Variants in RNF43 observed in about 807,000 individuals in gnomAD.
RNF43 encodes the protein E3 ubiquitin-protein ligase RNF43.
In RNF43, 37 loss-of-function variants were observed where a neutral mutation model predicts 78.4. The ratio of observed to expected loss-of-function variants is 0.47; its 90% CI spans 0.36 to 0.62. The LOEUF (loss-of-function observed/expected upper bound fraction) is 0.62. Ranked by LOEUF, RNF43 falls within the 20% of genes least tolerant of loss-of-function variation. RNF43 has a pLI of 0.00. For synonymous variants in RNF43, 347 were observed against 395.0 expected (o/e 0.88, Z 1.44); for missense variants, 774 against 1,007.9 (o/e 0.77, Z 3.14).
chr17:58,413,479 A>G (rs761892586), intron 2 of RNF43, among the ~76,000 whole-genome samples: 9 of 152,190 alleles, frequency 5.9e-5, no homozygotes, highest in Non-Finnish European at 1.3e-4. Flanking sequence ...ATTGCCAATG[A>G]CATAAAACTA....
At chr17:58,392,848 C>T (rs1290148743) in intron 2 of RNF43, among the ~76,000 whole-genome samples, 1 of 152,206 alleles carries the variant, frequency 6.6e-6, no homozygotes, top group Non-Finnish European at 1.5e-5. Flanking sequence ...TATTATGGAG[C>T]AGCTGGTGAC....
intron 2 of RNF43, among the ~76,000 whole-genome samples, chr17:58,400,866 G>T (rs1271081178): frequency 6.6e-6 from 1 of 152,072 alleles, no homozygotes; most frequent in Non-Finnish European, 1.5e-5. Flanking sequence ...AGATAATGAA[G>T]TAACTCTGCC....
intron 2 of RNF43, among the ~76,000 whole-genome samples, chr17:58,384,316 G>A (rs1973386269): frequency 6.6e-6 from 1 of 152,190 alleles, no homozygotes; most frequent in Admixed American, 6.5e-5. Flanking sequence ...AGTGGGTAAG[G>A]GAAGTACTTA....
At chr17:58,387,169 A>G (rs191621560) in intron 2 of RNF43, among the ~76,000 whole-genome samples, 32 of 152,312 alleles carry the variant, frequency 2.1e-4, no homozygotes, top group Admixed American at 1.8e-3. Flanking sequence ...CAGAATTTCA[A>G]ACAATGTTAA....
chr17:58,367,289 G>A lies in RNF43; in HGVS notation c.375+3622C>T, dbSNP rs1358766029. ...GCTGGGATTACCACACCTGGTATGA[G>A]CCACCACACCTGGTCCTTATATCAA... On this transcript the variant is annotated intron_variant, in intron 3 of 9. Coordinates refer to ENST00000407977, the MANE Select transcript of RNF43 (RefSeq NM_017763.6). 2.0e-5 allele frequency among the ~76,000 whole-genome samples: 3 copies of A among 152,164 alleles called. No individual in the cohort carries two copies. The East Asian group carries it at 5.8e-4, about 29-fold the overall frequency.
At chr17:58,368,090 A>G (rs2047232238) in intron 3 of RNF43, among the ~76,000 whole-genome samples, 1 of 152,358 alleles carries the variant, frequency 6.6e-6, no homozygotes, top group African/African-American at 2.4e-5. Flanking sequence ...GCCCAGGGCT[A>G]TCTGGCTTGA....
intron 2 of RNF43, among the ~76,000 whole-genome samples, chr17:58,392,288 T>TTAGGAACTA (rs1393682344): frequency 1.3e-5 from 2 of 152,216 alleles, no homozygotes; most frequent in Non-Finnish European, 2.9e-5. Context: ...TGGCATCTGT[T>TTAGGAACTA]TAGGAACTAT....
At chr17:58,376,210 CAT>C (rs1164930358) in intron 2 of RNF43, among the ~76,000 whole-genome samples, 1 of 152,170 alleles carries the variant, frequency 6.6e-6, no homozygotes, top group Non-Finnish European at 1.5e-5. Flanking sequence ...GGACAAGAAA[CAT>C]ATCTGTGGTG....
chr17:58,377,706 C>T (rs1973233382), intron 2 of RNF43, among the ~76,000 whole-genome samples: 2 of 149,974 alleles, frequency 1.3e-5, no homozygotes, highest in African/African-American at 4.9e-5. Context: ...CCACCACCGA[C>T]CTCTGCTGCA....
At chr17:58,388,398 C>T (rs1973480330) in intron 2 of RNF43, among the ~76,000 whole-genome samples, 1 of 152,182 alleles carries the variant, frequency 6.6e-6, no homozygotes, top group Admixed American at 6.5e-5. Flanking sequence ...CACGGCATAT[C>T]AATGGCTCCC....
At chr17:58,385,987 G>A (rs915406473) in intron 2 of RNF43, among the ~76,000 whole-genome samples, 9 of 152,158 alleles carry the variant, frequency 5.9e-5, no homozygotes, top group African/African-American at 2.2e-4. Context: ...GCACATGTCT[G>A]TAATCCCAGC....
chr17:58,413,108 G>A (rs1443249880), intron 2 of RNF43, among the ~76,000 whole-genome samples: 1 of 152,144 alleles, frequency 6.6e-6, no homozygotes, highest in East Asian at 1.9e-4. Flanking sequence ...TCAGTTAAAT[G>A]GAAGGCTTGG....
intron 2 of RNF43, among the ~76,000 whole-genome samples, chr17:58,383,392 C>G (rs1012762226): frequency 6.6e-6 from 1 of 152,042 alleles, no homozygotes; most frequent in Non-Finnish European, 1.5e-5. Context: ...CAGGCCCAAA[C>G]CTGGGAGGAT....
rs1226935560 is a variant in RNF43, at chr17:58,358,732, A to G, written c.1044T>C (p.His348=). 35 of 1,558,906 alleles carry G rather than the reference A, an allele frequency of 2.2e-5. No homozygotes were observed. Among genetic ancestry groups the G allele is most frequent in the Non-Finnish European group, 2.8e-5 (32 of 1,150,062 alleles). The change falls in exon 9 of 10, where the codon CAT becomes CAC. Residue 348 remains histidine, a synonymous_variant. Coordinates refer to ENST00000407977, the MANE Select transcript of RNF43 (RefSeq NM_017763.6). The surrounding 1 kb of genome is among the most constrained non-coding windows in gnomAD (Gnocchi z 6.2). ...AGGCAGCAGGGAGGTGGTAGTGGGC[A>G]TGGCCGGGATGCTGGCGAATGAGGT... ...RLHLIRQHPG[H]AHYHLPAAYL... is the part of the protein sequence containing the mutation.
intron 2 of RNF43, among the ~76,000 whole-genome samples, chr17:58,406,553 C>T (rs1427186444): frequency 6.6e-6 from 1 of 152,010 alleles, no homozygotes; most frequent in Non-Finnish European, 1.5e-5. Flanking sequence ...CAATATAGAG[C>T]CAATACAGTC....
At chr17:58,405,508 G>C (rs1460156647) in intron 2 of RNF43, among the ~76,000 whole-genome samples, 2 of 151,808 alleles carry the variant, frequency 1.3e-5, no homozygotes, top group Non-Finnish European at 2.9e-5. Flanking sequence ...AATGACTCTT[G>C]AAAAAATGAA....
intron 3 of RNF43, among the ~76,000 whole-genome samples, chr17:58,370,257 A>G (rs1261376478): frequency 6.6e-6 from 1 of 151,548 alleles, no homozygotes; most frequent in Admixed American, 6.6e-5. Context: ...TTTAGTAGAG[A>G]CGGGGTTTCA....
In RNF43 at chr17:58,358,435, T is replaced by C. The variant is rs1475788870; in HGVS notation, c.1341A>G (p.Gly447=). Residue 447 remains glycine, a synonymous_variant, in exon 9 of 10, where the codon GGA becomes GGG. Transcript: ENST00000407977. The surrounding 1 kb of genome is among the most constrained non-coding windows in gnomAD (Gnocchi z 6.2). ...RARPPDSSGS[G]ESYCTERSGY... Reference sequence around the variant, plus strand: ...CACTGCGTTCTGTGCAATAGCTTTCTCCAGATCCACTGCTGTCAGGGGGCC... The same window carrying C: ...CACTGCGTTCTGTGCAATAGCTTTCCCCAGATCCACTGCTGTCAGGGGGCC... The C allele has an allele frequency of 6.2e-7, 1 of 1,614,054 alleles. No individual in the cohort carries two copies. The highest frequency in any genetic ancestry group is 8.5e-7 in the Non-Finnish European group (1 of 1,179,970).
chr17:58,374,913 C>A (rs1029710515), intron 2 of RNF43, among the ~76,000 whole-genome samples: 1 of 152,144 alleles, frequency 6.6e-6, no homozygotes, highest in East Asian at 1.9e-4. Flanking sequence ...AACTGCTCCT[C>A]CAGTGTTTGC....
Sources: allele counts gnomAD v4.1 joint callset (sites outside exome capture counted in the v4.1 genomes callset), GRCh38; gene constraint gnomAD v4.1.1; non-coding constraint Gnocchi (gnomAD v3.1); transcripts MANE v1.5; gene names NCBI Gene and HGNC (gene_info 2026-07-23, HGNC 2026-07-21).